CNTNAP3B: variants seen among roughly 807,000 people sequenced by gnomAD.
CNTNAP3B encodes contactin-associated protein-like 3B.
Under a neutral mutation model 108.9 loss-of-function variants are expected in CNTNAP3B, and 25 were observed. The observed-to-expected ratio is 0.23, with a 90% CI of 0.17 to 0.32. The LOEUF is 0.32. Among genes scored for constraint, CNTNAP3B ranks in the 10% least tolerant of loss-of-function variants. CNTNAP3B has a pLI of 1.00. For synonymous variants in CNTNAP3B, 103 were observed against 473.4 expected, an observed-to-expected ratio of 0.22 and a Z score of 10.16; for missense variants, 252 against 1,210.4, an observed-to-expected ratio of 0.21 and a Z score of 11.75.
chr9:41,927,000 T>C (rs1451604323), intron 15 of CNTNAP3B, among the ~76,000 whole-genome samples: 1 of 152,298 alleles, frequency 6.6e-6, no homozygotes, highest in Non-Finnish European at 1.5e-5. Context: ...ATTACTGAAC[T>C]GTGGGAGGCA....
At chr9:42,024,837 A>G (rs1489466093) in intron 3 of CNTNAP3B, among the ~76,000 whole-genome samples, 1 of 144,728 alleles carries the variant, frequency 6.9e-6, no homozygotes, top group East Asian at 2.1e-4. Flanking sequence ...CAGGAGAAAA[A>G]TCTCCTAGAG....
intron 12 of CNTNAP3B, among the ~76,000 whole-genome samples, chr9:41,958,452 A>G (rs1327033782): frequency 1.6e-4 from 25 of 152,050 alleles, no homozygotes; most frequent in Non-Finnish European, 2.1e-4. Flanking sequence ...CTTGATAACC[A>G]GATGTGATGT....
At chr9:42,085,692 TTGAGC>T (rs1345679950) in intron 2 of CNTNAP3B, among the ~76,000 whole-genome samples, 3 of 133,718 alleles carry the variant, frequency 2.2e-5, no homozygotes, top group Non-Finnish European at 4.7e-5. Context: ...TGCATGACAG[TTGAGC>T]TGTCACATGT....
In CNTNAP3B at chr9:41,993,513, T is replaced by G. The variant is rs952712230; in HGVS notation, c.1072-1642A>C. On this transcript the variant is annotated intron_variant, in intron 7 of 23. Transcript: ENST00000377561. ...AGAAGAAAATTTAAAAAAGAAAACA[T>G]TTGCTGTAACGAACTAAATACCAAA... 4 of 110,120 alleles carry G rather than the reference T, an allele frequency of 3.6e-5. 2 individuals are homozygous for G. The highest frequency in any genetic ancestry group is 7.6e-5 in the Non-Finnish European group (4 of 52,560). The allele number at this position is 110,120 out of a possible 1,614,324, so 6.8% of individuals were successfully genotyped here.
intron 1 of CNTNAP3B, among the ~76,000 whole-genome samples, chr9:42,121,065 C>T (rs1234018254): frequency 4.3e-5 from 6 of 138,572 alleles, no homozygotes. Context: ...CAGTCGCAAC[C>T]CATTCGTTCA....
intron 3 of CNTNAP3B, among the ~76,000 whole-genome samples, chr9:42,020,407 T>C (rs1365663564): frequency 6.6e-6 from 1 of 151,554 alleles, no homozygotes; most frequent in Non-Finnish European, 1.5e-5. Context: ...TCATCTAACT[T>C]GTCATTTGAC....
intron 14 of CNTNAP3B, among the ~76,000 whole-genome samples, chr9:41,937,673 CTA>C (rs1227075326): frequency 2.4e-4 from 37 of 152,346 alleles, no homozygotes; most frequent in African/African-American, 7.9e-4. Context: ...TCCGGAAATT[CTA>C]TGTTAGTTGT....
intron 1 of CNTNAP3B, among the ~76,000 whole-genome samples, chr9:42,120,567 C>A (rs1828438631): frequency 7.2e-6 from 1 of 137,972 alleles, no homozygotes; most frequent in Admixed American, 7.2e-5. Flanking sequence ...GACTTGGAAC[C>A]AACCCAAATG....
chr9:42,079,146 GAT>G (rs1827558235), intron 2 of CNTNAP3B, among the ~76,000 whole-genome samples: 1 of 134,176 alleles, frequency 7.5e-6, no homozygotes, highest in South Asian at 2.5e-4. Context: ...ATATTATTTT[GAT>G]GATAATCATG....
intron 14 of CNTNAP3B, among the ~76,000 whole-genome samples, chr9:41,937,033 A>G (rs1435224526): frequency 6.6e-6 from 1 of 151,638 alleles, no homozygotes; most frequent in Non-Finnish European, 1.5e-5. Flanking sequence ...TAGGAATCAA[A>G]TTACTGCTTA....
chr9:41,964,626 A>T lies in CNTNAP3B; in HGVS notation c.1668T>A (p.Cys556Ter), dbSNP rs1403711541. Reference sequence around the variant, plus strand: ...ACTGGGAACACTCGCCCCCATGCTCACAGTAGCTGGGCAAGCACCTAAAAG... The same window carrying T: ...ACTGGGAACACTCGCCCCCATGCTCTCAGTAGCTGGGCAAGCACCTAAAAG... Reference protein sequence around the residue: ...GITDRCLPSYCEHGGECSQSW... With the variant: ...GITDRCLPSY The change falls in exon 11 of 24, where the codon TGT becomes TGA. Residue 556 changes from cysteine (C) to a stop codon, truncating the protein, a stop_gained. Transcript: ENST00000377561. LOFTEE classifies it high-confidence loss of function. 6.6e-7 allele frequency: 1 copy of T among 1,521,048 alleles called. No homozygotes were observed. The highest frequency in any genetic ancestry group is 8.8e-7 in the Non-Finnish European group (1 of 1,135,948). 94.2% of individuals were successfully genotyped at this position (1,521,048 alleles called of 1,614,324 possible).
chr9:42,095,976 C>T (rs1490467265), intron 2 of CNTNAP3B, among the ~76,000 whole-genome samples: 4 of 138,458 alleles, frequency 2.9e-5, no homozygotes, highest in African/African-American at 8.6e-5. Context: ...CTCTCCACAA[C>T]GTTTTGGTGA....
chr9:41,959,659 C>A (rs1327304304), intron 12 of CNTNAP3B, among the ~76,000 whole-genome samples: 1 of 152,310 alleles, frequency 6.6e-6, no homozygotes, highest in Non-Finnish European at 1.5e-5. Flanking sequence ...TTATCTTCAG[C>A]ACATTGCTGT....
Position 42,037,915 on chromosome 9 carries a change from G to C in CNTNAP3B, c.391-24390C>G. ...GTTACCCACAAAGGGAAGCCCATCA[G>C]ACTAACAGCGGATCTCTTGGCAGAA... On this transcript the variant is annotated intron_variant, in intron 3 of 23. Transcript: ENST00000377561. Among the ~76,000 whole-genome samples the C allele has an allele frequency of 1.0e-4, 2 of 19,968 alleles. 1 individual carries two copies. Among genetic ancestry groups the C allele is most frequent in the Non-Finnish European group, 2.5e-4 (2 of 8,038 alleles). The allele number at this position is 19,968 out of a possible 152,430, so 13.1% of individuals were successfully genotyped here. A position where few individuals can be genotyped will look rare whatever the true frequency, so the allele number is the denominator to read the frequency against.
chr9:42,110,170 A>G (rs1828166396), intron 1 of CNTNAP3B, among the ~76,000 whole-genome samples: 1 of 129,372 alleles, frequency 7.7e-6, no homozygotes, highest in Non-Finnish European at 1.6e-5. Flanking sequence ...ATATGGAATT[A>G]CATATTGGAT....
intron 7 of CNTNAP3B, among the ~76,000 whole-genome samples, chr9:41,995,908 C>A (rs1475514299): frequency 6.9e-6 from 1 of 144,464 alleles, no homozygotes; most frequent in Non-Finnish European, 1.5e-5. Flanking sequence ...TGGTGGCGGG[C>A]GCCTGTAATC....
intron 13 of CNTNAP3B, among the ~76,000 whole-genome samples, chr9:41,950,574 C>A (rs1001690689): frequency 7.2e-6 from 1 of 138,998 alleles, no homozygotes; most frequent in Non-Finnish European, 1.6e-5. Context: ...TACTGATATA[C>A]ACAATTATGC....
At chr9:42,063,350 C>G (rs1188833283) in intron 3 of CNTNAP3B, among the ~76,000 whole-genome samples, 1 of 133,812 alleles carries the variant, frequency 7.5e-6, no homozygotes, top group Non-Finnish European at 1.6e-5. Context: ...TGTTTTTTTC[C>G]TTTCAGCACT....
At chr9:41,940,766 G>T (rs1824316773) in intron 13 of CNTNAP3B, among the ~76,000 whole-genome samples, 1 of 152,064 alleles carries the variant, frequency 6.6e-6, no homozygotes. Flanking sequence ...AGTGAGCCGA[G>T]ATTGTGCCAC....
Sources: gnomAD v4.1 joint callset for allele counts (sites outside exome capture counted in the v4.1 genomes callset) on GRCh38, gnomAD v4.1.1 for gene constraint, MANE v1.5 for transcripts, NCBI Gene and HGNC (gene_info 2026-07-23, HGNC 2026-07-21) for gene names.